Variants in PHACTR1 observed in about 807,000 individuals in gnomAD.
PHACTR1 encodes the protein RPEL repeat containing 1.
PHACTR1 carries 16 observed loss-of-function variants against 69.2 expected under a neutral mutation model. The ratio of observed to expected loss-of-function variants is 0.23; its 90% CI spans 0.16 to 0.35. PHACTR1 has a LOEUF of 0.35. PHACTR1 is among the 10% of genes least tolerant of loss of function. PHACTR1 has a pLI of 1.00. For missense variants in PHACTR1, 510 were observed against 734.7 expected (o/e 0.69, Z 3.54); for synonymous variants, 312 against 284.5 (o/e 1.10, Z -0.97).
At chr6:13,118,374 C>T (rs1424677511) in intron 5 of PHACTR1, among the ~76,000 whole-genome samples, 2 of 152,058 alleles carry the variant, frequency 1.3e-5, no homozygotes, top group East Asian at 1.9e-4. Flanking sequence ...AAGCCACTTG[C>T]CTGGGAGTTT....
At chr6:13,207,340 T>A (rs1218604092) in intron 8 of PHACTR1, among the ~76,000 whole-genome samples, 1 of 152,136 alleles carries the variant, frequency 6.6e-6, no homozygotes, top group Admixed American at 6.5e-5. Context: ...TGGGAAGGTA[T>A]ACCCTGTTCT....
chr6:13,064,077 A>G (rs1451386522), intron 5 of PHACTR1, among the ~76,000 whole-genome samples: 1 of 152,226 alleles, frequency 6.6e-6, no homozygotes, highest in Non-Finnish European at 1.5e-5. Flanking sequence ...TACTTGTGAT[A>G]GAATTAAGAT....
chr6:12,792,491 A>AAAAAAG (rs1772442446), intron 4 of PHACTR1, among the ~76,000 whole-genome samples: 1 of 140,940 alleles, frequency 7.1e-6, no homozygotes, highest in East Asian at 2.0e-4. Context: ...AAAAAAAAAA[A>AAAAAAG]AAGAAGATTT....
chr6:12,942,637 C>A (rs150021028), intron 4 of PHACTR1, among the ~76,000 whole-genome samples: 3 of 151,986 alleles, frequency 2.0e-5, no homozygotes, highest in Non-Finnish European at 4.4e-5. Context: ...CCAGCCTGGG[C>A]GACAGAACGA....
At chr6:12,783,983 CAT>C (rs1771155890) in intron 4 of PHACTR1, among the ~76,000 whole-genome samples, 1 of 152,046 alleles carries the variant, frequency 6.6e-6, no homozygotes, top group Non-Finnish European at 1.5e-5. Flanking sequence ...TATACACACA[CAT>C]ATATCTATAC....
chr6:13,093,493 C>T (rs993694397), intron 5 of PHACTR1, among the ~76,000 whole-genome samples: 2 of 152,186 alleles, frequency 1.3e-5, no homozygotes, highest in African/African-American at 4.8e-5. Context: ...TTCCATCCAG[C>T]ATGCTACTCT....
At chr6:13,131,208 T>TACACACACACACACACAC (rs56329629) in intron 5 of PHACTR1, among the ~76,000 whole-genome samples, 3 of 146,468 alleles carry the variant, frequency 2.0e-5, no homozygotes, top group South Asian at 2.2e-4. Flanking sequence ...TATATACACA[T>TACACACACACACACACAC]ACACACACAC....
intron 10 of PHACTR1, among the ~76,000 whole-genome samples, chr6:13,251,357 GT>G (rs1343381486): frequency 6.6e-6 from 1 of 152,198 alleles, no homozygotes; most frequent in Non-Finnish European, 1.5e-5. Context: ...GGTTTGTCTG[GT>G]GCTCCCTGAG....
intron 5 of PHACTR1, among the ~76,000 whole-genome samples, chr6:13,131,178 TAC>T (rs61143569): frequency 0.34 from 31,586 of 93,972 alleles, 3,588 homozygotes; most frequent in South Asian, 0.55. Context: ...TGTGTGTATA[TAC>T]ACACACACAC....
intron 4 of PHACTR1, among the ~76,000 whole-genome samples, chr6:12,965,510 G>A (rs1419054892): frequency 5.8e-5 from 8 of 137,990 alleles, no homozygotes; most frequent in South Asian, 4.6e-4. Context: ...TGTTTAGAAT[G>A]GCCCCAAGCG....
intron 5 of PHACTR1, among the ~76,000 whole-genome samples, chr6:13,136,554 T>C (rs549588697): frequency 1.3e-5 from 2 of 152,282 alleles, no homozygotes; most frequent in South Asian, 2.1e-4. Flanking sequence ...TTCACTGAAG[T>C]AGCACTTTGG....
At position 13,127,525 on chromosome 6, in the gene PHACTR1, G is replaced by A. The variant is rs118175149; in HGVS notation, c.416-32679G>A. Among the ~76,000 whole-genome samples, 171 of 152,274 alleles carry A rather than the reference G, an allele frequency of 1.1e-3. 5 individuals carry two copies. In the East Asian group the frequency reaches 0.016, roughly 15 times the overall value. Reference sequence around the variant, plus strand: ...GTTGAGGTTGCAGTGAGCTATGGTCGTGCCACTGCACTCTAGGCTGCGTGA... The same window carrying A: ...GTTGAGGTTGCAGTGAGCTATGGTCATGCCACTGCACTCTAGGCTGCGTGA... On this transcript the variant is annotated intron_variant, in intron 5 of 14. Coordinates refer to ENST00000332995, the MANE Select transcript of PHACTR1 (RefSeq NM_030948.6).
At chr6:13,191,841 T>C (rs1763645339) in intron 7 of PHACTR1, among the ~76,000 whole-genome samples, 1 of 152,254 alleles carries the variant, frequency 6.6e-6, no homozygotes. Flanking sequence ...TTTTACTTTT[T>C]ATACTCACTT....
At chr6:13,047,564 T>G (rs1449186371) in intron 4 of PHACTR1, among the ~76,000 whole-genome samples, 1 of 151,958 alleles carries the variant, frequency 6.6e-6, no homozygotes. Flanking sequence ...AACGTTCTGT[T>G]ATTGAGTTCA....
At chr6:13,055,398 G>A (rs765076321) in intron 5 of PHACTR1, among the ~76,000 whole-genome samples, 20 of 152,136 alleles carry the variant, frequency 1.3e-4, no homozygotes, top group Non-Finnish European at 2.6e-4. Context: ...CACTGAGACA[G>A]AAAAGGGTAC....
chr6:12,952,407 A>G (rs1056829867), intron 4 of PHACTR1, among the ~76,000 whole-genome samples: 14 of 151,768 alleles, frequency 9.2e-5, no homozygotes, highest in African/African-American at 2.7e-4. Flanking sequence ...CCCTCCCCCA[A>G]CCCCGATCTT....
At chr6:13,287,006 T>C (rs1220110141) in intron 14 of PHACTR1, 57 bp from the exon 15 acceptor site, 1 of 1,586,928 alleles carries the variant, frequency 6.3e-7, no homozygotes, top group Non-Finnish European at 8.6e-7. Flanking sequence ...GATTGGACTG[T>C]TGAATCCTGC....
chr6:13,150,026 T>A (rs1824064347), intron 5 of PHACTR1, among the ~76,000 whole-genome samples: 1 of 152,150 alleles, frequency 6.6e-6, no homozygotes, highest in South Asian at 2.1e-4. Context: ...CTTTTGAGGA[T>A]CACTTGGCCT....
chr6:13,229,725 C>CT (rs141533528), intron 9 of PHACTR1, among the ~76,000 whole-genome samples: 1 of 152,332 alleles, frequency 6.6e-6, no homozygotes, highest in African/African-American at 2.4e-5. Context: ...TCTGTCCTAT[C>CT]TCCCCCTTTG....
Sources: gnomAD v4.1 joint callset for allele counts (sites outside exome capture counted in the v4.1 genomes callset) on GRCh38, gnomAD v4.1.1 for gene constraint, MANE v1.5 for transcripts, NCBI Gene and HGNC (gene_info 2026-07-23, HGNC 2026-07-21) for gene names.